The following GUCY1A2 variants were observed in gnomAD, a reference collection of about 807,000 sequenced individuals.
GUCY1A2 encodes guanylate cyclase soluble subunit alpha-2.
In GUCY1A2, 27 loss-of-function variants were observed where a neutral mutation model predicts 63.5. That is an observed-to-expected ratio of 0.43 (90% CI 0.31 to 0.59). GUCY1A2 has a LOEUF of 0.59. Among genes scored for constraint, GUCY1A2 ranks in the 20% least tolerant of loss-of-function variants. The pLI is 0.11. For missense variants in GUCY1A2, 768 were observed against 913.3 expected (o/e 0.84, Z 2.05); for synonymous variants, 364 against 343.5 (o/e 1.06, Z -0.66).
chr11:106,722,784 CTGTGTGTGTGTGTGTG>C (rs5794487), intron 6 of GUCY1A2, among the ~76,000 whole-genome samples: 3 of 148,862 alleles, frequency 2.0e-5, no homozygotes, highest in Non-Finnish European at 4.5e-5. Flanking sequence ...AAGACCAGTT[CTGTGTGTGTGTGTGTG>C]TGTGTGTGTG....
intron 6 of GUCY1A2, 102 bp from the exon 7 acceptor site, chr11:106,708,768 AAAAC>A: frequency 1.4e-6 from 1 of 706,276 alleles, no homozygotes; most frequent in Non-Finnish European, 2.1e-6. Flanking sequence ...ATAATAAAAA[AAAAC>A]TATGAGCTCC....
At chr11:106,828,019 C>T (rs981419076) in intron 4 of GUCY1A2, 12 of 654,256 alleles carry the variant, frequency 1.8e-5, no homozygotes, top group Admixed American at 1.1e-4. Flanking sequence ...TACGGGTGCT[C>T]GGGCCCTTTG....
At chr11:106,976,031 T>C (rs764527684) in intron 3 of GUCY1A2, among the ~76,000 whole-genome samples, 2 of 152,200 alleles carry the variant, frequency 1.3e-5, no homozygotes, top group Non-Finnish European at 2.9e-5. Flanking sequence ...TGATCATATC[T>C]TGTGATCTAT....
At chr11:106,790,038 C>G (rs1480942043) in intron 5 of GUCY1A2, among the ~76,000 whole-genome samples, 1 of 152,168 alleles carries the variant, frequency 6.6e-6, no homozygotes, top group Non-Finnish European at 1.5e-5. Context: ...GGCCCTTGGG[C>G]TCTAAAAGCA....
At chr11:106,961,433 C>T (rs1401371121) in intron 3 of GUCY1A2, among the ~76,000 whole-genome samples, 1 of 152,050 alleles carries the variant, frequency 6.6e-6, no homozygotes, top group Non-Finnish European at 1.5e-5. Context: ...TTCCCATAAA[C>T]TTTTAAGATT....
At chr11:106,908,252 CAT>C (rs945203690) in intron 4 of GUCY1A2, among the ~76,000 whole-genome samples, 22 of 151,944 alleles carry the variant, frequency 1.4e-4, no homozygotes, top group African/African-American at 4.3e-4. Context: ...ATGCACTAAA[CAT>C]AGTGAAAAAC....
chr11:106,950,218 T>A (rs570835814), intron 3 of GUCY1A2, among the ~76,000 whole-genome samples: 3 of 152,318 alleles, frequency 2.0e-5, no homozygotes, highest in Admixed American at 2.0e-4. Context: ...CTCAGGCCAC[T>A]GTGCTATGCC....
intron 2 of GUCY1A2, among the ~76,000 whole-genome samples, chr11:106,982,769 C>T (rs758630828): frequency 6.6e-6 from 1 of 151,916 alleles, no homozygotes; most frequent in Non-Finnish European, 1.5e-5. Context: ...GTTGAGAAAC[C>T]AACAGAAGGT....
chr11:106,782,954 C>T (rs145079663), intron 5 of GUCY1A2, among the ~76,000 whole-genome samples: 13 of 152,250 alleles, frequency 8.5e-5, no homozygotes, highest in African/African-American at 2.2e-4. Flanking sequence ...CTGAAGTGAA[C>T]TCTTAACCAA....
Position 106,939,741 on chromosome 11 carries a change from T to C in GUCY1A2, c.925A>G (p.Thr309Ala). The C allele has an allele frequency of 6.2e-7, 1 of 1,613,738 alleles. No homozygotes were observed. The highest frequency in any genetic ancestry group is 1.6e-4 in the Middle Eastern group (1 of 6,062). ...TNIMKNLPQG[T>A]SQVPADLRIS... is the part of the protein sequence containing the mutation. ...CTGAGGTCCGCAGGAACTTGGGAGG[T>C]TCCCTGTGGAAGGTTCTTCATGATA... Residue 309 changes from threonine (T) to alanine (A), a missense_variant, in exon 4 of 8, where the codon ACC (threonine) becomes GCC (alanine). Physicochemically the swap from Thr to Ala is moderately conservative, Grantham distance 58. Transcript: ENST00000526355.
At chr11:106,893,887 C>A (rs1419765885) in intron 4 of GUCY1A2, among the ~76,000 whole-genome samples, 1 of 152,162 alleles carries the variant, frequency 6.6e-6, no homozygotes, top group South Asian at 2.1e-4. Context: ...GGAGACTGCA[C>A]ACTTTTGTGA....
intron 4 of GUCY1A2, among the ~76,000 whole-genome samples, chr11:106,906,322 A>C (rs904348643): frequency 1.6e-4 from 24 of 152,240 alleles, no homozygotes; most frequent in African/African-American, 5.8e-4. Flanking sequence ...TTATGCAGCC[A>C]ACAAACATAT....
In GUCY1A2 at chr11:106,845,648, A is replaced by T. The variant is rs189354923; in HGVS notation, c.1207-35170T>A. Among the ~76,000 whole-genome samples the T allele has an allele frequency of 2.1e-3, 305 of 147,828 alleles. 1 individual carries two copies. Among genetic ancestry groups the T allele is most frequent in the African/African-American group, 6.6e-3 (267 of 40,564 alleles). ...CTCACTGTATCTACCAGATAGTTTTAAAAAAAAAAGAGGCCCAGAAAATTT... is the reference window on the plus strand; with the variant it reads ...CTCACTGTATCTACCAGATAGTTTTTAAAAAAAAAGAGGCCCAGAAAATTT... On this transcript the variant is annotated intron_variant, in intron 4 of 7. Coordinates refer to ENST00000526355, the MANE Select transcript of GUCY1A2 (RefSeq NM_000855.3).
intron 1 of GUCY1A2, among the ~76,000 whole-genome samples, chr11:107,013,462 T>G (rs1436128327): frequency 6.6e-6 from 1 of 152,252 alleles, no homozygotes; most frequent in Non-Finnish European, 1.5e-5. Flanking sequence ...GCTTAATATG[T>G]ATTCCCAACT....
chr11:106,925,055 A>C (rs1860503450), intron 4 of GUCY1A2, among the ~76,000 whole-genome samples: 1 of 152,070 alleles, frequency 6.6e-6, no homozygotes, highest in Non-Finnish European at 1.5e-5. Flanking sequence ...TCACCTTAAT[A>C]ATCATAATCT....
At chr11:106,855,682 T>C (rs1859419675) in intron 4 of GUCY1A2, among the ~76,000 whole-genome samples, 1 of 152,198 alleles carries the variant, frequency 6.6e-6, no homozygotes, top group African/African-American at 2.4e-5. Context: ...TATCTTGGCA[T>C]CCTTGTCAAC....
chr11:106,859,463 C>A (rs897995751), intron 4 of GUCY1A2, among the ~76,000 whole-genome samples: 1 of 151,918 alleles, frequency 6.6e-6, no homozygotes, highest in African/African-American at 2.4e-5. Flanking sequence ...ATAGTGCCAA[C>A]GGAATTGTAC....
chr11:106,773,299 G>C (rs1269733283), intron 6 of GUCY1A2, among the ~76,000 whole-genome samples: 1 of 151,642 alleles, frequency 6.6e-6, no homozygotes, highest in Non-Finnish European at 1.5e-5. Context: ...ATTCTTTAAT[G>C]ACTTGATTCT....
At position 106,685,349 on chromosome 11, in the gene GUCY1A2, A is replaced by G. The variant is rs1284624448; in HGVS notation, c.*2200T>C. On this transcript the variant is annotated 3_prime_UTR_variant, in exon 8 of 8. Transcript: ENST00000526355. Reference sequence around the variant, plus strand: ...CTAGTATTGAGGTGGATTTCCAATGATGCTTTTCAAATATGCTTCCCGTAG... The same window carrying G: ...CTAGTATTGAGGTGGATTTCCAATGGTGCTTTTCAAATATGCTTCCCGTAG... 1 of 211,936 alleles carries G rather than the reference A, an allele frequency of 4.7e-6. No individual in the cohort carries two copies. Among genetic ancestry groups the G allele is most frequent in the Admixed American group, 5.9e-5 (1 of 17,000 alleles). 13.1% of individuals were successfully genotyped at this position (211,936 alleles called of 1,614,324 possible). A position where few individuals can be genotyped will look rare whatever the true frequency, so the allele number is the denominator to read the frequency against.
Sources: gnomAD v4.1 joint callset for allele counts (sites outside exome capture counted in the v4.1 genomes callset) on GRCh38, gnomAD v4.1.1 for gene constraint, MANE v1.5 for transcripts, NCBI Gene and HGNC (gene_info 2026-07-23, HGNC 2026-07-21) for gene names.